PRKCQ: variants seen among roughly 807,000 people sequenced by gnomAD.
PRKCQ encodes the protein protein kinase C theta type.
PRKCQ carries 41 observed loss-of-function variants against 91.2 expected under a neutral mutation model. The ratio of observed to expected loss-of-function variants is 0.45; its 90% CI spans 0.35 to 0.58. The LOEUF is 0.58. Ranked by LOEUF, PRKCQ falls within the 20% of genes least tolerant of loss-of-function variation. The probability of loss-of-function intolerance (pLI) is 0.00; values close to 1 mark genes in which losing one functional copy is unlikely to be tolerated. For missense variants in PRKCQ, 673 were observed against 896.5 expected, an observed-to-expected ratio of 0.75 and a Z score of 3.18; for synonymous variants, 307 against 316.9, an observed-to-expected ratio of 0.97 and a Z score of 0.33.
chr10:6,425,198 T>A (rs565966522), downstream of PRKCQ, among the ~76,000 whole-genome samples: 4 of 151,158 alleles, frequency 2.6e-5, no homozygotes, highest in South Asian at 4.2e-4. Context: ...AGCTTTATGG[T>A]CTCCCTGGGC....
rs368521024 is a variant in PRKCQ at position 6,444,961 on chromosome 10, T to G, written c.1648-2880A>C. Among the ~76,000 whole-genome samples, 634 of 151,816 alleles carry G rather than the reference T, an allele frequency of 4.2e-3. 3 individuals carry two copies. The highest frequency in any genetic ancestry group is 0.015 in the African/African-American group (614 of 41,386). On this transcript the variant is annotated intron_variant, in intron 15 of 17. Transcript: ENST00000263125. Reference sequence around the variant, plus strand: ...CAACATGGCGAAACCCCGTCTCTACTAAAAACACAGAAATTAGCTGGGTGT... The same window carrying G: ...CAACATGGCGAAACCCCGTCTCTACGAAAAACACAGAAATTAGCTGGGTGT...
intron 1 of PRKCQ, among the ~76,000 whole-genome samples, chr10:6,517,380 A>G (rs1200864148): frequency 2.6e-5 from 4 of 151,110 alleles, no homozygotes. Flanking sequence ...TCCTGTGGGT[A>G]TGGAATTATA....
intron 12 of PRKCQ, 79 bp from the exon 13 acceptor site, chr10:6,464,483 T>A: frequency 1.6e-6 from 2 of 1,239,006 alleles, no homozygotes; most frequent in Non-Finnish European, 2.3e-6. Context: ...AGGGTCTCAC[T>A]CTGTCTCCCA....
At chr10:6,466,839 G>T (rs1835680949) in intron 12 of PRKCQ, among the ~76,000 whole-genome samples, 1 of 152,140 alleles carries the variant, frequency 6.6e-6, no homozygotes, top group South Asian at 2.1e-4. Flanking sequence ...GGCATAGATA[G>T]AAACAAACCA....
intron 15 of PRKCQ, among the ~76,000 whole-genome samples, chr10:6,444,101 C>T (rs1378139830): frequency 3.9e-5 from 6 of 152,122 alleles, no homozygotes; most frequent in South Asian, 2.1e-4. Context: ...AATGGAGTCT[C>T]GCTCTGTCAC....
chr10:6,483,706 C>G (rs1019263682), intron 10 of PRKCQ, 106 bp from the exon 11 acceptor site: 19 of 1,337,684 alleles, frequency 1.4e-5, no homozygotes, highest in Non-Finnish European at 1.9e-5. Context: ...GAGGCTCCAT[C>G]ATAGTAATTG....
intron 8 of PRKCQ, among the ~76,000 whole-genome samples, chr10:6,486,500 T>C (rs1165514421): frequency 1.3e-5 from 2 of 152,168 alleles, no homozygotes; most frequent in Non-Finnish European, 2.9e-5. Flanking sequence ...AGGAACTTAA[T>C]TTGCATGTAG....
At chr10:6,463,558 G>C (rs1835471493) in intron 13 of PRKCQ, among the ~76,000 whole-genome samples, 1 of 152,158 alleles carries the variant, frequency 6.6e-6, no homozygotes, top group Non-Finnish European at 1.5e-5. Flanking sequence ...AGCCATTCCA[G>C]CCAGGGATTT....
Position 6,531,694 on chromosome 10 carries a change from G to A in PRKCQ, c.-9-16550C>T, listed in dbSNP as rs1194251873. Among the ~76,000 whole-genome samples the A allele has an allele frequency of 5.3e-5, 8 of 152,170 alleles. No homozygotes were observed. The East Asian group carries it at 5.8e-4, about 11-fold the overall frequency. ...TTCCCTTCTCATTTAGGGACCACAC[G>A]TGGCACAGGAATTGACCATGTAAGA... On this transcript the variant is annotated intron_variant, in intron 1 of 17. Coordinates refer to ENST00000263125, the MANE Select transcript of PRKCQ (RefSeq NM_006257.5).
chr10:6,439,286 G>A (rs1833852513), intron 16 of PRKCQ, among the ~76,000 whole-genome samples: 1 of 152,168 alleles, frequency 6.6e-6, no homozygotes, highest in East Asian at 1.9e-4. Flanking sequence ...TTTTGATGGT[G>A]AATTCTGGAG....
intron 15 of PRKCQ, among the ~76,000 whole-genome samples, chr10:6,451,528 A>G (rs373127578): frequency 1.7e-3 from 260 of 152,326 alleles, no homozygotes; most frequent in African/African-American, 6.1e-3. Flanking sequence ...TTCCTTCTGA[A>G]ACTATTCCAC....
At chr10:6,524,134 C>T (rs550510305) in intron 1 of PRKCQ, among the ~76,000 whole-genome samples, 1 of 152,328 alleles carries the variant, frequency 6.6e-6, no homozygotes, top group East Asian at 1.9e-4. Flanking sequence ...AAATCTTTCT[C>T]ATGCTTCATG....
At chr10:6,564,705 T>C (rs1456506367) in intron 1 of PRKCQ, among the ~76,000 whole-genome samples, 1 of 152,066 alleles carries the variant, frequency 6.6e-6, no homozygotes, top group Non-Finnish European at 1.5e-5. Flanking sequence ...GCCCACAGAA[T>C]CAAGAACAAA....
rs1299550441 is a variant in PRKCQ at position 6,576,535 on chromosome 10, G to T, written c.-10+3676C>A. Among the ~76,000 whole-genome samples the T allele has an allele frequency of 2.0e-5, 3 of 152,190 alleles. No individual in the cohort carries two copies. The highest frequency in any genetic ancestry group is 4.4e-5 in the Non-Finnish European group (3 of 68,034). ...AGGAAGTAGAAGGGTGGCTGCCAGG[G>T]GCTGAGAGGAAAGACGGATGAGGAA... On this transcript the variant is annotated intron_variant, in intron 1 of 17. Coordinates refer to ENST00000263125, the MANE Select transcript of PRKCQ (RefSeq NM_006257.5). The surrounding 1 kb of genome is among the most constrained non-coding windows in gnomAD (Gnocchi z 4.2).
chr10:6,500,935 G>A (rs983511668), intron 4 of PRKCQ, among the ~76,000 whole-genome samples: 4 of 152,134 alleles, frequency 2.6e-5, no homozygotes, highest in African/African-American at 9.7e-5. Flanking sequence ...TGATGGTGTG[G>A]AATAGGCTCC....
intron 8 of PRKCQ, among the ~76,000 whole-genome samples, chr10:6,491,065 C>T (rs1299988787): frequency 6.6e-6 from 1 of 152,148 alleles, no homozygotes; most frequent in Admixed American, 6.5e-5. Context: ...GGCTCTGCTG[C>T]GATCCTGGCC....
At chr10:6,403,574 C>T in the PRKCQ span, among the ~76,000 whole-genome samples, 1 of 152,128 alleles carries the variant, frequency 6.6e-6, no homozygotes, top group African/African-American at 2.4e-5. Context: ...ACCACAGAAA[C>T]AAAGCTTCTC....
intron 1 of PRKCQ, among the ~76,000 whole-genome samples, chr10:6,540,437 C>T (rs926758521): frequency 6.6e-6 from 1 of 152,170 alleles, no homozygotes; most frequent in African/African-American, 2.4e-5. Flanking sequence ...ACTTTCTATG[C>T]CTATAAATTT....
chr10:6,574,192 G>A (rs1385340905), intron 1 of PRKCQ, among the ~76,000 whole-genome samples: 5 of 152,224 alleles, frequency 3.3e-5, no homozygotes, highest in African/African-American at 1.2e-4. Context: ...TGAATTAAGT[G>A]CCCAGTGAGG....
Sources: gnomAD v4.1 joint callset for allele counts (sites outside exome capture counted in the v4.1 genomes callset) on GRCh38, gnomAD v4.1.1 for gene constraint, Gnocchi (gnomAD v3.1) non-coding constraint, MANE v1.5 for transcripts, NCBI Gene and HGNC (gene_info 2026-07-23, HGNC 2026-07-21) for gene names.